Variants in INSC observed in about 807,000 individuals in gnomAD.
The protein encoded by INSC is protein inscuteable homolog.
INSC carries 67 observed loss-of-function variants against 58.6 expected under a neutral mutation model. That is an observed-to-expected ratio of 1.14 (90% CI 0.94 to 1.40). The LOEUF (loss-of-function observed/expected upper bound fraction) is 1.40, where lower values mean the gene tolerates loss of function less well. Ranked by LOEUF, INSC falls within the 40% of genes most tolerant of loss-of-function variation. The pLI is 0.00. For missense variants in INSC, 714 were observed against 692.0 expected (o/e 1.03, Z -0.36); for synonymous variants, 262 against 276.1 (o/e 0.95, Z 0.51).
At chr11:15,112,070 T>A (rs1847584624), upstream of INSC, among the ~76,000 whole-genome samples, 2 of 152,230 alleles carry the variant, frequency 1.3e-5, no homozygotes, top group Non-Finnish European at 2.9e-5. Context: ...TCTGAGCATG[T>A]CTTGCTGCTG....
rs565498655 is a variant in INSC at position 15,243,130 on chromosome 11, T to C, written c.1470+2607T>C. ...TTGATTTGGGGACTGACAGACTTGC[T>C]TCCTCTTTTCCTAGCTCCCAGTCTT... On this transcript the variant is annotated intron_variant, in intron 12 of 12. Coordinates refer to ENST00000379556, the MANE Select transcript of INSC (RefSeq NM_001042536.3). Among the ~76,000 whole-genome samples, 27 of 152,328 alleles carry C rather than the reference T, an allele frequency of 1.8e-4. 1 individual carries two copies. In the East Asian group the frequency reaches 2.1e-3, roughly 12 times the overall value.
At chr11:15,142,211 C>T (rs531692450) in intron 1 of INSC, among the ~76,000 whole-genome samples, 1 of 152,320 alleles carries the variant, frequency 6.6e-6, no homozygotes, top group South Asian at 2.1e-4. Context: ...GCTCAGGTGT[C>T]ACCTTCTCTA....
At chr11:15,127,917 C>T (rs889479017) in intron 1 of INSC, among the ~76,000 whole-genome samples, 2 of 152,024 alleles carry the variant, frequency 1.3e-5, no homozygotes, top group Non-Finnish European at 2.9e-5. Flanking sequence ...ATTGCTTGAA[C>T]CAGAGAGGCA....
chr11:15,222,290 A>C (rs1269249628), intron 8 of INSC, among the ~76,000 whole-genome samples: 2 of 148,818 alleles, frequency 1.3e-5, no homozygotes, highest in Non-Finnish European at 3.0e-5. Flanking sequence ...TCCCCAGGGA[A>C]TTTTTTGTGA....
rs780811052 is a variant in INSC at position 15,246,041 on chromosome 11, T to G, written c.*1T>G. The G allele has an allele frequency of 3.1e-6, 5 of 1,614,004 alleles. No homozygotes were observed. The African/African-American group carries it at 6.7e-5, about 22-fold the overall frequency. On this transcript the variant is annotated 3_prime_UTR_variant, in exon 13 of 13. Coordinates refer to ENST00000379556, the MANE Select transcript of INSC (RefSeq NM_001042536.3). ...CAACATGGAGGAGAGTTTTGTGTAGTGAGTGTGGGCGAAGAAATACATTTG... is the reference window on the plus strand; with the variant it reads ...CAACATGGAGGAGAGTTTTGTGTAGGGAGTGTGGGCGAAGAAATACATTTG...
the INSC span, among the ~76,000 whole-genome samples, chr11:15,256,208 G>A: frequency 6.6e-6 from 1 of 152,216 alleles, no homozygotes; most frequent in Admixed American, 6.5e-5. Context: ...ATTCCCAACT[G>A]CGCTGTGCTT....
Position 15,220,013 on chromosome 11 carries a change from T to C in INSC, c.820-1464T>C, listed in dbSNP as rs116150464. Among the ~76,000 whole-genome samples the C allele has an allele frequency of 2.8e-3, 433 of 152,330 alleles. 3 individuals carry two copies. The highest frequency in any genetic ancestry group is 9.6e-3 in the African/African-American group (398 of 41,570). ...ATTAAGCACATCCAGGTGAATTTTA[T>C]TGTGGACAGTTCCCTGGGCTCCTGT... On this transcript the variant is annotated intron_variant, in intron 7 of 12. Transcript: ENST00000379556.
chr11:15,140,572 C>A (rs921537205), intron 1 of INSC, among the ~76,000 whole-genome samples: 1 of 150,214 alleles, frequency 6.7e-6, no homozygotes, highest in Non-Finnish European at 1.5e-5. Flanking sequence ...TTTTTGATTT[C>A]TTTCTTTCTT....
In INSC at chr11:15,166,236, G is replaced by A. The variant is rs114701506; in HGVS notation, c.57-9505G>A. 7.3e-3 allele frequency among the ~76,000 whole-genome samples: 1,108 copies of A among 152,256 alleles called. 14 individuals are homozygous for A. The highest frequency in any genetic ancestry group is 0.025 in the African/African-American group (1,028 of 41,548). On this transcript the variant is annotated intron_variant, in intron 2 of 12. Transcript: ENST00000379556. ...CCCACAACTCACCAGAGCACTGTTT[G>A]CCTTTACATTCAGGCCAGGCTCTGA...
intron 3 of INSC, among the ~76,000 whole-genome samples, chr11:15,176,308 C>A (rs1849574816): frequency 6.6e-6 from 1 of 151,886 alleles, no homozygotes; most frequent in Non-Finnish European, 1.5e-5. Flanking sequence ...ATTTAACCTG[C>A]ACAACCTGTG....
the INSC span, among the ~76,000 whole-genome samples, chr11:15,252,543 C>T: frequency 5.4e-4 from 82 of 152,260 alleles, no homozygotes; most frequent in South Asian, 7.9e-3. Flanking sequence ...GGAGCCTCTC[C>T]GCAGGCTGCT....
intron 2 of INSC, among the ~76,000 whole-genome samples, chr11:15,153,542 G>A (rs1044692906): frequency 6.6e-6 from 1 of 152,196 alleles, no homozygotes; most frequent in African/African-American, 2.4e-5. Flanking sequence ...GGGATAATTG[G>A]ATATTTTTCT....
At chr11:15,134,620 A>C (rs558722377) in intron 1 of INSC, among the ~76,000 whole-genome samples, 1 of 152,324 alleles carries the variant, frequency 6.6e-6, no homozygotes, top group East Asian at 1.9e-4. Flanking sequence ...CTGAGGAAGA[A>C]GTGACTTCCA....
At chr11:15,199,866 T>TGGGGC (rs1850512173) in intron 6 of INSC, among the ~76,000 whole-genome samples, 1 of 152,196 alleles carries the variant, frequency 6.6e-6, no homozygotes, top group Non-Finnish European at 1.5e-5. Context: ...CCTGCCACTC[T>TGGGGC]AAATGCCCCA....
At chr11:15,207,674 C>T (rs1462267136) in intron 7 of INSC, among the ~76,000 whole-genome samples, 2 of 152,166 alleles carry the variant, frequency 1.3e-5, no homozygotes, top group Non-Finnish European at 2.9e-5. Flanking sequence ...TCTGTGGCCC[C>T]AGCTGCTGTT....
At chr11:15,240,589 A>G in intron 12 of INSC, 66 bp downstream of exon 12, 2 of 1,367,146 alleles carry the variant, frequency 1.5e-6, no homozygotes, top group Non-Finnish European at 2.1e-6. Context: ...GGGCCAGGAG[A>G]ACCGGCTGTG....
At chr11:15,222,380 G>T (rs1401187503) in intron 8 of INSC, among the ~76,000 whole-genome samples, 1 of 152,056 alleles carries the variant, frequency 6.6e-6, no homozygotes, top group African/African-American at 2.4e-5. Flanking sequence ...TAATTGAAAT[G>T]GAATGAAATT....
At chr11:15,116,459 TA>T (rs1443577029) in intron 1 of INSC, among the ~76,000 whole-genome samples, 1 of 152,032 alleles carries the variant, frequency 6.6e-6, no homozygotes, top group Non-Finnish European at 1.5e-5. Flanking sequence ...TTCCAGTGGT[TA>T]TCTTTTTTTC....
intron 1 of INSC, among the ~76,000 whole-genome samples, chr11:15,129,575 A>G (rs1354312295): frequency 6.6e-6 from 1 of 152,202 alleles, no homozygotes; most frequent in Non-Finnish European, 1.5e-5. Context: ...AATGTTTTAC[A>G]GTTTTCTCAA....
Sources: allele counts gnomAD v4.1 joint callset (sites outside exome capture counted in the v4.1 genomes callset), GRCh38; gene constraint gnomAD v4.1.1; transcripts MANE v1.5; gene names NCBI Gene and HGNC (gene_info 2026-07-23, HGNC 2026-07-21).